Variants in OPRL1 observed in about 807,000 individuals in gnomAD.
OPRL1 encodes the protein opioid related nociceptin receptor 1, also known as nociceptin receptor.
A neutral mutation model predicts 15.5 loss-of-function variants in OPRL1; 5 were observed. That is an observed-to-expected ratio of 0.32 (90% CI 0.17 to 0.68). OPRL1 has a LOEUF of 0.68. Ranked by LOEUF, OPRL1 falls within the 30% of genes least tolerant of loss-of-function variation. The pLI is 0.72. For synonymous variants in OPRL1, 223 were observed against 230.2 expected (o/e 0.97, Z 0.28); for missense variants, 406 against 515.3 (o/e 0.79, Z 2.05).
chr20:64,083,877 T>C lies in OPRL1; in HGVS notation c.-185+3525T>C, dbSNP rs2060004684. 1 of 1,436,334 alleles carries C rather than the reference T, an allele frequency of 7.0e-7. No homozygotes were observed. Among genetic ancestry groups the C allele is most frequent in the Admixed American group, 2.9e-5 (1 of 34,866 alleles). 89.0% of individuals were successfully genotyped at this position (1,436,334 alleles called of 1,614,324 possible). ...ACTCGCCCGCGGGCCTCCGCTGCCT[T>C]GAGGACGCCGAGGAGCCGGTTCTGG... On this transcript the variant is annotated intron_variant, in intron 1 of 4. Coordinates refer to ENST00000336866, the MANE Select transcript of OPRL1 (RefSeq NM_182647.4). The surrounding 1 kb of genome is among the most constrained non-coding windows in gnomAD (Gnocchi z 4.9).
In OPRL1 at chr20:64,098,649, C is replaced by T; in HGVS notation, c.963C>T (p.Phe321=). The T allele has an allele frequency of 6.2e-7, 1 of 1,612,974 alleles. No homozygotes were observed. Among genetic ancestry groups the T allele is most frequent in the South Asian group, 1.1e-5 (1 of 91,090 alleles). ...GCCTCAACCCCATCCTCTACGCCTT[C>T]CTGGATGAGAACTTCAAGGCCTGCT... ...NSCLNPILYA[F]LDENFKACFR... Residue 321 remains phenylalanine, a synonymous_variant, in exon 5 of 5, where the codon TTC becomes TTT. Transcript: ENST00000336866.
intron 3 of OPRL1, among the ~76,000 whole-genome samples, chr20:64,096,903 C>A (rs1017283818): frequency 3.0e-5 from 4 of 135,110 alleles, no homozygotes; most frequent in Non-Finnish European, 6.5e-5. Flanking sequence ...TCACGACCAT[C>A]ACCACCATCA....
intron 3 of OPRL1, among the ~76,000 whole-genome samples, chr20:64,096,843 C>G (rs1162215454): frequency 2.6e-5 from 1 of 39,176 alleles, no homozygotes; most frequent in African/African-American, 9.5e-5. Context: ...TCATCATGAC[C>G]ATCACCACCA....
In OPRL1 at chr20:64,089,118, G is replaced by A. The variant is rs2060095574; in HGVS notation, c.-184-2848G>A. ...GGGCCTAGGCTGTTCAGCATGCCAG[G>A]GTCTGTGCTGGGGGTTTGCCGCAGG... On this transcript the variant is annotated intron_variant, in intron 1 of 4. Coordinates refer to ENST00000336866, the MANE Select transcript of OPRL1 (RefSeq NM_182647.4). This position sits in a 1 kb window ranked among gnomAD's most constrained non-coding sequence, Gnocchi z 5.5. 2.0e-5 allele frequency among the ~76,000 whole-genome samples: 3 copies of A among 152,070 alleles called. No individual in the cohort carries two copies. The highest frequency in any genetic ancestry group is 4.8e-5 in the African/African-American group (2 of 41,394).
Position 64,083,339 on chromosome 20 carries a change from G to A in OPRL1, c.-185+2987G>A. On this transcript the variant is annotated intron_variant, in intron 1 of 4. Transcript: ENST00000336866. This position sits in a 1 kb window ranked among gnomAD's most constrained non-coding sequence, Gnocchi z 4.9. Reference sequence around the variant, plus strand: ...GCGTCCATACTCCCCGCTTCCCTCGGGGTCCTGGGGAGTGGCAGCAAAAAG... The same window carrying A: ...GCGTCCATACTCCCCGCTTCCCTCGAGGTCCTGGGGAGTGGCAGCAAAAAG... 1 of 1,569,648 alleles carries A rather than the reference G, an allele frequency of 6.4e-7. No homozygotes were observed. The highest frequency in any genetic ancestry group is 8.7e-7 in the Non-Finnish European group (1 of 1,150,274).
chr20:64,095,531 G>C (rs1979020893), intron 3 of OPRL1, among the ~76,000 whole-genome samples: 1 of 151,550 alleles, frequency 6.6e-6, no homozygotes, highest in Non-Finnish European at 1.5e-5. Flanking sequence ...CCAGAGAAGA[G>C]AGAACTGAAG....
rs376564216 is a variant in OPRL1, at chr20:64,098,013, T to C, written c.445T>C (p.Tyr149His). The change falls in exon 4 of 5, where the codon TAT (tyrosine) becomes CAT (histidine). Residue 149 changes from tyrosine to histidine, a missense_variant. By Grantham distance (83) the Tyr-to-His change is moderately conservative. Transcript: ENST00000336866. ...FTLTAMSVDR[Y>H]VAICHPIRAL... ...CCTAACTGCCATGAGTGTGGATCGC[T>C]ATGTAGCCATCTGCCACCCCATCCG... 1.3e-4 allele frequency: 216 copies of C among 1,613,164 alleles called. No individual in the cohort carries two copies. Among genetic ancestry groups the C allele is most frequent in the Non-Finnish European group, 1.7e-4 (200 of 1,179,936 alleles).
chr20:64,083,236 C>T lies in OPRL1; in HGVS notation c.-185+2884C>T. ...CCTGACCTGTTACTTTCACACCCAC[C>T]CACTTGCGTCTCCCCACTTTTTTGG... On this transcript the variant is annotated intron_variant, in intron 1 of 4. Transcript: ENST00000336866. The surrounding 1 kb of genome is among the most constrained non-coding windows in gnomAD (Gnocchi z 4.9). 2 of 696,534 alleles carry T rather than the reference C, an allele frequency of 2.9e-6. No homozygotes were observed. The highest frequency in any genetic ancestry group is 1.9e-5 in the South Asian group (1 of 53,892). 43.1% of individuals were successfully genotyped at this position (696,534 alleles called of 1,614,324 possible).
chr20:64,099,149 A>C lies in OPRL1; in HGVS notation c.*350A>C. The C allele has an allele frequency of 8.8e-6, 3 of 341,102 alleles. No homozygotes were observed. Among genetic ancestry groups the C allele is most frequent in the Non-Finnish European group, 1.6e-5 (3 of 186,648 alleles). 21.1% of individuals were successfully genotyped at this position (341,102 alleles called of 1,614,324 possible). A position where few individuals can be genotyped will look rare whatever the true frequency, so the allele number is the denominator to read the frequency against. On this transcript the variant is annotated 3_prime_UTR_variant, in exon 5 of 5. Transcript: ENST00000336866. ...CCCCTCCCTCCCCGTGCTTCATGTG[A>C]CTCTTGGCCTCTCTGCTGCTGCGTT...
intron 1 of OPRL1, among the ~76,000 whole-genome samples, chr20:64,080,646 A>G (rs1409256836): frequency 6.6e-6 from 1 of 152,046 alleles, no homozygotes; most frequent in African/African-American, 2.4e-5. Flanking sequence ...CTCATCCTTT[A>G]TGACTCGGTA....
In OPRL1 at chr20:64,097,415, G is replaced by T. The variant is rs963215317; in HGVS notation, c.234-387G>T. On this transcript the variant is annotated intron_variant, in intron 3 of 4. Transcript: ENST00000336866. This position sits in a 1 kb window ranked among gnomAD's most constrained non-coding sequence, Gnocchi z 4.2. ...TTGAGTCTGTGAGGGGTCATGGAGGGGACTCAAAAGCAAGGGGAGCAGACT... is the reference window on the plus strand; with the variant it reads ...TTGAGTCTGTGAGGGGTCATGGAGGTGACTCAAAAGCAAGGGGAGCAGACT... Among the ~76,000 whole-genome samples the T allele has an allele frequency of 2.0e-5, 3 of 152,060 alleles. No individual in the cohort carries two copies. The highest frequency in any genetic ancestry group is 4.4e-5 in the Non-Finnish European group (3 of 68,020).
chr20:64,084,322 C>G, intron 1 of OPRL1: 1 of 1,291,184 alleles, frequency 7.7e-7, no homozygotes, highest in Non-Finnish European at 9.8e-7. Flanking sequence ...CCAGCTCCCG[C>G]CCGCTGGGCT....
At chr20:64,087,858 G>T (rs2060065824) in intron 1 of OPRL1, among the ~76,000 whole-genome samples, 1 of 152,228 alleles carries the variant, frequency 6.6e-6, no homozygotes, top group Non-Finnish European at 1.5e-5. Flanking sequence ...TTGGGGGAGG[G>T]CAGGACTCTA....
intron 3 of OPRL1, among the ~76,000 whole-genome samples, chr20:64,096,626 C>T (rs75078255): frequency 0.092 from 14,049 of 152,092 alleles, 870 homozygotes; most frequent in African/African-American, 0.16. Flanking sequence ...TATTTCCTCA[C>T]GGCAGCTACA....
chr20:64,084,127 G>T (rs2060012125), intron 1 of OPRL1: 10 of 1,470,636 alleles, frequency 6.8e-6, no homozygotes, highest in Non-Finnish European at 8.0e-6. Flanking sequence ...GCGCCCCCTT[G>T]GCACGCTCCT....
At chr20:64,082,137 G>C (rs1309689955) in intron 1 of OPRL1, among the ~76,000 whole-genome samples, 1 of 152,178 alleles carries the variant, frequency 6.6e-6, no homozygotes, top group Non-Finnish European at 1.5e-5. Flanking sequence ...CACCAGGGCT[G>C]GCTGTCATCA....
intron 1 of OPRL1, among the ~76,000 whole-genome samples, chr20:64,081,319 G>C (rs1023243623): frequency 6.6e-6 from 1 of 152,220 alleles, no homozygotes; most frequent in African/African-American, 2.4e-5. Context: ...ACTCCTGAGC[G>C]GTGGGCACAG....
chr20:64,092,943 G>A lies in OPRL1; in HGVS notation c.223G>A (p.Val75Ile), dbSNP rs759099539. The change falls in exon 3 of 5, where the codon GTC (valine) becomes ATC (isoleucine). Residue 75 changes from valine to isoleucine, a missense_variant. By Grantham distance (29) the Val-to-Ile change is conservative. Coordinates refer to ENST00000336866, the MANE Select transcript of OPRL1 (RefSeq NM_182647.4). Reference protein sequence around the residue: ...GLLGNCLVMYVILRHTKMKTA... With the variant: ...GLLGNCLVMYIILRHTKMKTA... ...CCTGGGGAACTGCCTTGTCATGTAC[G>A]TCATCCTCAGGTAGGCTGGGCCCCA... is the stretch of plus-strand genomic sequence containing the variant. 2.2e-5 allele frequency: 36 copies of A among 1,611,982 alleles called. No homozygotes were observed. Among genetic ancestry groups the A allele is most frequent in the South Asian group, 1.3e-4 (12 of 91,068 alleles).
At position 64,083,361 on chromosome 20, in the gene OPRL1, A is replaced by G. The variant is rs2059989736; in HGVS notation, c.-185+3009A>G. The G allele has an allele frequency of 1.9e-6, 3 of 1,604,802 alleles. No homozygotes were observed. The African/African-American group carries it at 4.0e-5, about 22-fold the overall frequency. ...TCGGGGTCCTGGGGAGTGGCAGCAA[A>G]AAGACCAGCGAGCCTTCGGAGAATT... On this transcript the variant is annotated intron_variant, in intron 1 of 4. Coordinates refer to ENST00000336866, the MANE Select transcript of OPRL1 (RefSeq NM_182647.4). This position sits in a 1 kb window ranked among gnomAD's most constrained non-coding sequence, Gnocchi z 4.9.
Sources: gnomAD v4.1 joint callset for allele counts (sites outside exome capture counted in the v4.1 genomes callset) on GRCh38, gnomAD v4.1.1 for gene constraint, Gnocchi (gnomAD v3.1) non-coding constraint, MANE v1.5 for transcripts, NCBI Gene and HGNC (gene_info 2026-07-23, HGNC 2026-07-21) for gene names.